SPECC1L: variants seen among roughly 807,000 people sequenced by gnomAD.
SPECC1L encodes the protein cytospin-A.
Under a neutral mutation model 116.8 loss-of-function variants are expected in SPECC1L, and 40 were observed. That is an observed-to-expected ratio of 0.34 (90% CI 0.27 to 0.45). The LOEUF is 0.45. Ranked by LOEUF, SPECC1L falls within the 20% of genes least tolerant of loss-of-function variation. SPECC1L has a pLI of 1.00. For missense variants in SPECC1L, 1,110 were observed against 1,373.6 expected, an observed-to-expected ratio of 0.81 and a Z score of 3.03; for synonymous variants, 504 against 500.6, an observed-to-expected ratio of 1.01 and a Z score of -0.09.
rs531479575 is a variant in SPECC1L at position 24,409,676 on chromosome 22, A to T, written c.3088-1912A>T. On this transcript the variant is annotated intron_variant, in intron 14 of 16. Coordinates refer to ENST00000314328, the MANE Select transcript of SPECC1L (RefSeq NM_015330.6). ...CTTTAAAAAGTAATAATAAAAAATG[A>T]ATTATATATTCCTTTTATAGTTACA... 5.3e-5 allele frequency among the ~76,000 whole-genome samples: 8 copies of T among 152,310 alleles called. No individual in the cohort carries two copies. The South Asian group carries it at 1.5e-3, about 28-fold the overall frequency.
chr22:24,333,395 A>G (rs988434807), intron 8 of SPECC1L, among the ~76,000 whole-genome samples: 3 of 152,204 alleles, frequency 2.0e-5, no homozygotes, highest in African/African-American at 7.2e-5. Flanking sequence ...TGACATATAC[A>G]AACTCTGCAA....
intron 14 of SPECC1L, among the ~76,000 whole-genome samples, chr22:24,369,688 A>G (rs1310539338): frequency 1.3e-5 from 2 of 152,216 alleles, no homozygotes. Flanking sequence ...AAATGTTAGG[A>G]ACACATTCTC....
At chr22:24,346,041 A>C (rs62233133) in intron 10 of SPECC1L, among the ~76,000 whole-genome samples, 6,636 of 151,026 alleles carry the variant, frequency 0.044, 326 homozygotes, top group South Asian at 0.14. Context: ...GAGTCTCACA[A>C]TGTCACCCGG....
At chr22:24,333,707 A>T (rs546261815) in intron 8 of SPECC1L, among the ~76,000 whole-genome samples, 2 of 152,034 alleles carry the variant, frequency 1.3e-5, no homozygotes, top group African/African-American at 4.8e-5. Context: ...AATTAATATT[A>T]TATAGTTATC....
In SPECC1L at chr22:24,334,499, G is replaced by A. The variant is rs2041009697; in HGVS notation, c.2486G>A (p.Arg829Lys). Reference sequence around the variant, plus strand: ...TTAAGGCAGGGAATGGGACTGAGTAGAAGGTCCTCGACTTCCTCAGAGCCA... The same window carrying A: ...TTAAGGCAGGGAATGGGACTGAGTAAAAGGTCCTCGACTTCCTCAGAGCCA... ...AALRQGMGLS[R>K]RSSTSSEPTP... Residue 829 changes from arginine to lysine, a missense_variant, in exon 9 of 17, where the codon AGA becomes AAA. By Grantham distance (26) the Arg-to-Lys change is conservative. This residue lies in a region of SPECC1L where 575 missense variants were observed against 682.4 expected (regional missense o/e 0.84). Coordinates refer to ENST00000314328, the MANE Select transcript of SPECC1L (RefSeq NM_015330.6). 2.5e-6 allele frequency: 4 copies of A among 1,614,046 alleles called. No homozygotes were observed. The highest frequency in any genetic ancestry group is 2.2e-5 in the South Asian group (2 of 91,086).
In SPECC1L at chr22:24,416,545, C is replaced by T. The variant is rs928568683; in HGVS notation, c.*1922C>T. On this transcript the variant is annotated 3_prime_UTR_variant, in exon 17 of 17. Coordinates refer to ENST00000314328, the MANE Select transcript of SPECC1L (RefSeq NM_015330.6). The stretch of plus-strand genomic sequence containing the variant: ...GGTGTCCTCAGTTCCCACTTTTGCT[C>T]TCATTTGCCTTCACAGAGGCCACTC... 1 of 152,438 alleles carries T rather than the reference C, an allele frequency of 6.6e-6. No homozygotes were observed. Among genetic ancestry groups the T allele is most frequent in the East Asian group, 1.9e-4 (1 of 5,190 alleles). 9.4% of individuals were successfully genotyped at this position (152,438 alleles called of 1,614,324 possible).
At position 24,332,651 on chromosome 22, in the gene SPECC1L, G is replaced by T. The variant is rs564662155; in HGVS notation, c.2397-1759G>T. Among the ~76,000 whole-genome samples, 21 of 151,648 alleles carry T rather than the reference G, an allele frequency of 1.4e-4. No homozygotes were observed. The South Asian group carries it at 3.7e-3, about 27-fold the overall frequency. Reference sequence around the variant, plus strand: ...TGAGAGTTTAGCTGTTTACTCTTAAGCCAGACATTAAAGAGATGATTTAAA... The same window carrying T: ...TGAGAGTTTAGCTGTTTACTCTTAATCCAGACATTAAAGAGATGATTTAAA... On this transcript the variant is annotated intron_variant, in intron 8 of 16. Transcript: ENST00000314328.
chr22:24,306,868 A>G (rs532116349), intron 3 of SPECC1L, among the ~76,000 whole-genome samples: 1 of 152,190 alleles, frequency 6.6e-6, no homozygotes, highest in South Asian at 2.1e-4. Flanking sequence ...TATGAATTTC[A>G]CTGCTCTAGC....
At chr22:24,402,300 G>A (rs1456119799) in intron 14 of SPECC1L, among the ~76,000 whole-genome samples, 1 of 151,970 alleles carries the variant, frequency 6.6e-6, no homozygotes, top group Non-Finnish European at 1.5e-5. Context: ...CCGGCCCCAG[G>A]CAGGTGCCCA....
At chr22:24,294,384 CTT>C (rs554852361) in intron 2 of SPECC1L, among the ~76,000 whole-genome samples, 27 of 135,462 alleles carry the variant, frequency 2.0e-4, no homozygotes, top group Admixed American at 3.0e-4. Context: ...TGTCCTAGTC[CTT>C]TTTTTTTTTT....
At chr22:24,343,336 C>A (rs916290485) in intron 10 of SPECC1L, 3 of 344,320 alleles carry the variant, frequency 8.7e-6, no homozygotes, top group Non-Finnish European at 1.7e-5. Context: ...TCCCCATGCC[C>A]ATTAAGGCAT....
At chr22:24,333,640 TGG>T (rs2040985352) in intron 8 of SPECC1L, among the ~76,000 whole-genome samples, 1 of 151,900 alleles carries the variant, frequency 6.6e-6, no homozygotes, top group Non-Finnish European at 1.5e-5. Flanking sequence ...TTAAAGAGTG[TGG>T]GCTAAGCATG....
chr22:24,333,448 G>T (rs576569202), intron 8 of SPECC1L, among the ~76,000 whole-genome samples: 1 of 152,126 alleles, frequency 6.6e-6, no homozygotes, highest in Admixed American at 6.5e-5. Flanking sequence ...GTTAGTCAGC[G>T]TAGTGAATTT....
At chr22:24,324,125 T>C in intron 5 of SPECC1L, 95 bp from the exon 6 acceptor site, 4 of 1,019,556 alleles carry the variant, frequency 3.9e-6, no homozygotes. Flanking sequence ...TGCCTCATAC[T>C]TAGCTCCCCT....
At chr22:24,392,141 C>A (rs950693993) in intron 14 of SPECC1L, among the ~76,000 whole-genome samples, 1 of 152,206 alleles carries the variant, frequency 6.6e-6, no homozygotes, top group Non-Finnish European at 1.5e-5. Flanking sequence ...CAGGCTCTTT[C>A]CACTGAGCTG....
At chr22:24,410,553 C>T (rs1485606987) in intron 14 of SPECC1L, among the ~76,000 whole-genome samples, 2 of 152,232 alleles carry the variant, frequency 1.3e-5, no homozygotes, top group South Asian at 2.1e-4. Context: ...CACAGAGGAT[C>T]GAGGCATTTA....
rs577336880 is a variant in SPECC1L at position 24,358,218 on chromosome 22, T to C, written c.2744-5043T>C. On this transcript the variant is annotated intron_variant, in intron 11 of 16. Transcript: ENST00000314328. ...CAGTCTCGACTTCCTGGGCTCAAGCTGTCCTCCCACGTCAGTCCCCCAAGT... is the reference window on the plus strand; with the variant it reads ...CAGTCTCGACTTCCTGGGCTCAAGCCGTCCTCCCACGTCAGTCCCCCAAGT... Among the ~76,000 whole-genome samples the C allele has an allele frequency of 2.0e-5, 3 of 151,296 alleles. No individual in the cohort carries two copies. The South Asian group carries it at 6.3e-4, about 32-fold the overall frequency.
intron 14 of SPECC1L, among the ~76,000 whole-genome samples, chr22:24,378,581 A>T (rs541659240): frequency 1.3e-5 from 2 of 152,364 alleles, no homozygotes; most frequent in South Asian, 4.1e-4. Context: ...AAAGTGAAAG[A>T]TGTGCGAGTC....
chr22:24,359,933 C>G (rs2041609794), intron 11 of SPECC1L, among the ~76,000 whole-genome samples: 1 of 152,168 alleles, frequency 6.6e-6, no homozygotes, highest in African/African-American at 2.4e-5. Context: ...CTTAGCATCC[C>G]TCACTCGTAA....
Sources: gnomAD v4.1 joint callset for allele counts (sites outside exome capture counted in the v4.1 genomes callset) on GRCh38, gnomAD v4.1.1 for gene constraint, gnomAD v4.1.1 regional missense constraint, MANE v1.5 for transcripts, NCBI Gene and HGNC (gene_info 2026-07-23, HGNC 2026-07-21) for gene names.